GEMIN2: variants seen among roughly 807,000 people sequenced by gnomAD.
GEMIN2 encodes gem nuclear organelle associated protein 2, also known as gem-associated protein 2.
A neutral mutation model predicts 45.8 loss-of-function variants in GEMIN2; 37 were observed. The ratio of observed to expected loss-of-function variants is 0.81; its 90% CI spans 0.62 to 1.06. The LOEUF (loss-of-function observed/expected upper bound fraction) is 1.06. GEMIN2 is among the 50% of genes least tolerant of loss of function. The probability of loss-of-function intolerance (pLI) is 0.00; values close to 1 mark genes in which losing one functional copy is unlikely to be tolerated. For synonymous variants in GEMIN2, 101 were observed against 111.5 expected (o/e 0.91, Z 0.60); for missense variants, 335 against 321.8 (o/e 1.04, Z -0.31).
intron 9 of GEMIN2, chr14:39,134,333 C>CT (rs1466456731): frequency 2.0e-5 from 3 of 152,218 alleles, no homozygotes; most frequent in Non-Finnish European, 4.4e-5. Flanking sequence ...ATTCTCCCCC[C>CT]TCAGCCTCCC....
intron 7 of GEMIN2, among the ~76,000 whole-genome samples, chr14:39,129,738 GTA>G (rs923958736): frequency 9.3e-5 from 14 of 151,160 alleles, no homozygotes; most frequent in African/African-American, 3.2e-4. Flanking sequence ...ATTTATATTT[GTA>G]TATGTGTGTG....
Position 39,114,830 on chromosome 14 carries a change from A to T in GEMIN2, c.139A>T (p.Ile47Phe). 1 of 1,517,324 alleles carries T rather than the reference A, an allele frequency of 6.6e-7. No individual in the cohort carries two copies. Among genetic ancestry groups the T allele is most frequent in the Non-Finnish European group, 9.2e-7 (1 of 1,092,004 alleles). The allele number at this position is 1,517,324 out of a possible 1,614,324, so 94.0% of individuals were successfully genotyped here. ...TPQEYLRRVQ[I>F]EAAQCPDVVV... ...ATCGCGTTTATTACTTATTTGTAGG[A>T]TCGAAGCAGCTCAATGTCCAGATGT... The change falls in exon 2 of 10, where the codon ATC (isoleucine) becomes TTC (phenylalanine). Residue 47 changes from isoleucine (I) to phenylalanine (F), a missense_variant and splice_region_variant. Ile to Phe is a conservative substitution (Grantham distance 21). Coordinates refer to ENST00000308317, the MANE Select transcript of GEMIN2 (RefSeq NM_003616.3).
chr14:39,130,888 C>G lies in GEMIN2; in HGVS notation c.601-1070C>G, dbSNP rs139496997. 1.2e-3 allele frequency among the ~76,000 whole-genome samples: 174 copies of G among 148,216 alleles called. No individual in the cohort carries two copies. In the East Asian group the frequency reaches 0.03, roughly 25 times the overall value. The stretch of plus-strand genomic sequence containing the variant: ...CCAGCCTGGATGACAGAACGAGACT[C>G]CATCTCGAAAAAAAAAAGAAAAAGG... On this transcript the variant is annotated intron_variant, in intron 7 of 9. Coordinates refer to ENST00000308317, the MANE Select transcript of GEMIN2 (RefSeq NM_003616.3).
intron 8 of GEMIN2, among the ~76,000 whole-genome samples, chr14:39,133,431 A>AT (rs909056433): frequency 8.1e-5 from 12 of 147,686 alleles, no homozygotes; most frequent in Non-Finnish European, 1.2e-4. Context: ...ATCCCTCTTT[A>AT]TTTTTTTTTC....
intron 4 of GEMIN2, among the ~76,000 whole-genome samples, chr14:39,119,541 A>C (rs17108830): frequency 1.3e-5 from 2 of 150,910 alleles, no homozygotes; most frequent in Non-Finnish European, 3.0e-5. Flanking sequence ...AATGAAAGCT[A>C]TTTATCTTCA....
At chr14:39,117,162 C>T (rs2052519332) in intron 2 of GEMIN2, among the ~76,000 whole-genome samples, 1 of 151,698 alleles carries the variant, frequency 6.6e-6, no homozygotes, top group African/African-American at 2.4e-5. Context: ...ATCCCAGCTA[C>T]TCGGGAGGCT....
Position 39,118,089 on chromosome 14 carries a change from G to C in GEMIN2, c.312+1G>C. 2 of 1,523,346 alleles carry C rather than the reference G, an allele frequency of 1.3e-6. No individual in the cohort carries two copies. Among genetic ancestry groups the C allele is most frequent in the Non-Finnish European group, 1.8e-6 (2 of 1,101,938 alleles). 94.4% of individuals were successfully genotyped at this position (1,523,346 alleles called of 1,614,324 possible). A position where few individuals can be genotyped will look rare whatever the true frequency, so the allele number is the denominator to read the frequency against. On this transcript the variant is annotated splice_donor_variant, in intron 3 of 9. Transcript: ENST00000308317. LOFTEE classifies it high-confidence loss of function. ...GGCACAGTTTTCAACTGTTCGACAGGTAAGTGTCATATTTAATCTAATTAA... is the reference window on the plus strand; with the variant it reads ...GGCACAGTTTTCAACTGTTCGACAGCTAAGTGTCATATTTAATCTAATTAA...
At chr14:39,132,858 T>C (rs1163945673) in intron 8 of GEMIN2, among the ~76,000 whole-genome samples, 3 of 150,762 alleles carry the variant, frequency 2.0e-5, no homozygotes, top group East Asian at 2.0e-4. Context: ...TTTGTATTTT[T>C]AGTAGAGACA....
intron 6 of GEMIN2, among the ~76,000 whole-genome samples, chr14:39,125,776 C>CT (rs1426312989): frequency 6.6e-6 from 1 of 151,822 alleles, no homozygotes; most frequent in Non-Finnish European, 1.5e-5. Context: ...AATCCCGGCA[C>CT]TTTGGGAGGT....
rs1478005853 is a variant in GEMIN2 at position 39,136,966 on chromosome 14, C to G, written c.*487C>G. ...GTCAGCAATAAAATTAAACATTTTT[C>G]CCTTTAAGCTCAGCACTTTTTTTTT... is the stretch of plus-strand genomic sequence containing the variant. On this transcript the variant is annotated 3_prime_UTR_variant, in exon 10 of 10. Transcript: ENST00000308317. The G allele has an allele frequency of 2.7e-5, 4 of 148,354 alleles. No individual in the cohort carries two copies. In the East Asian group the frequency reaches 5.9e-4, roughly 22 times the overall value. 9.2% of individuals were successfully genotyped at this position (148,354 alleles called of 1,614,324 possible). A position where few individuals can be genotyped will look rare whatever the true frequency, so the allele number is the denominator to read the frequency against.
chr14:39,117,576 G>C (rs1284940479), intron 2 of GEMIN2, among the ~76,000 whole-genome samples: 1 of 152,118 alleles, frequency 6.6e-6, no homozygotes, highest in African/African-American at 2.4e-5. Flanking sequence ...ATTGTTAACT[G>C]TAGTCACTCT....
chr14:39,120,073 C>A (rs114317754), intron 4 of GEMIN2, among the ~76,000 whole-genome samples: 2,135 of 152,162 alleles, frequency 0.014, 58 homozygotes, highest in African/African-American at 0.048. Context: ...AAAAAAGAAG[C>A]CACATCAGTA....
intron 7 of GEMIN2, 137 bp downstream of exon 7, chr14:39,128,485 CTTTTTTTTTT>C (rs71130820): frequency 2.0e-4 from 30 of 148,476 alleles, no homozygotes; most frequent in Middle Eastern, 3.0e-3. Flanking sequence ...TTTTTCTTTT[CTTTTTTTTTT>C]TTTTTTTTTT....
Position 39,136,466 on chromosome 14 carries a change from A to G in GEMIN2, c.797A>G (p.Asp266Gly). 6.3e-7 allele frequency: 1 copy of G among 1,591,362 alleles called. No homozygotes were observed. Among genetic ancestry groups the G allele is most frequent in the Non-Finnish European group, 8.6e-7 (1 of 1,160,554 alleles). Residue 266 changes from aspartate (D) to glycine (G), a missense_variant, in exon 10 of 10, where the codon GAT becomes GGT. By Grantham distance (94) the Asp-to-Gly change is moderately conservative. Coordinates refer to ENST00000308317, the MANE Select transcript of GEMIN2 (RefSeq NM_003616.3). ...SRYFDQRDLA[D>G]EPS ...TATTTTGACCAACGTGATTTAGCTG[A>G]TGAGCCATCTTGATGTAGCTGATCT...
rs545370896 is a variant in GEMIN2 at position 39,132,880 on chromosome 14, T to C, written c.712-781T>C. The stretch of plus-strand genomic sequence containing the variant: ...TTTTAGTAGAGACAGGGTTTCACCA[T>C]GTTGGCCAGACTGGTCTCAAACTGC... On this transcript the variant is annotated intron_variant, in intron 8 of 9. Coordinates refer to ENST00000308317, the MANE Select transcript of GEMIN2 (RefSeq NM_003616.3). Among the ~76,000 whole-genome samples the C allele has an allele frequency of 9.9e-5, 15 of 150,948 alleles. 1 individual carries two copies. In the South Asian group the frequency reaches 2.9e-3, roughly 29 times the overall value.
At chr14:39,128,463 G>A (rs1016476016) in intron 7 of GEMIN2, 115 bp downstream of exon 7, 3 of 432,602 alleles carry the variant, frequency 6.9e-6, no homozygotes, top group Non-Finnish European at 8.1e-6. Context: ...TATTTTTACT[G>A]CACATTTTCT....
chr14:39,135,777 C>T (rs1298060975), intron 9 of GEMIN2, among the ~76,000 whole-genome samples: 1 of 152,026 alleles, frequency 6.6e-6, no homozygotes, highest in Admixed American at 6.6e-5. Context: ...AAAATAGTTA[C>T]CTTGCCAAAG....
At chr14:39,119,900 CA>C (rs1259977736) in intron 4 of GEMIN2, among the ~76,000 whole-genome samples, 1 of 152,234 alleles carries the variant, frequency 6.6e-6, no homozygotes, top group Non-Finnish European at 1.5e-5. Flanking sequence ...GCTTAAGGTT[CA>C]AACCCAAGTT....
chr14:39,132,686 T>TTTTTTTTTTTTG, intron 8 of GEMIN2, among the ~76,000 whole-genome samples: 1 of 63,988 alleles, frequency 1.6e-5, no homozygotes, highest in Non-Finnish European at 3.0e-5. Context: ...TTTTTTTTTT[T>TTTTTTTTTTTTG]CTTTTATTGT....
Sources: gnomAD v4.1 joint callset for allele counts (sites outside exome capture counted in the v4.1 genomes callset) on GRCh38, gnomAD v4.1.1 for gene constraint, MANE v1.5 for transcripts, NCBI Gene and HGNC (gene_info 2026-07-23, HGNC 2026-07-21) for gene names.